GALNT17: variants seen among roughly 807,000 people sequenced by gnomAD.
The protein encoded by GALNT17 is UDP-GalNAc:polypeptide N-acetylgalactosaminyltransferase-like 3.
In GALNT17, 29 loss-of-function variants were observed where a neutral mutation model predicts 63.7. That is an observed-to-expected ratio of 0.46 (90% CI 0.34 to 0.62). The LOEUF is 0.62. GALNT17 is among the 20% of genes least tolerant of loss of function. The pLI is 0.01. For missense variants in GALNT17, 603 were observed against 799.6 expected (o/e 0.75, Z 2.97); for synonymous variants, 305 against 318.3 (o/e 0.96, Z 0.45).
intron 5 of GALNT17, among the ~76,000 whole-genome samples, chr7:71,530,751 G>A (rs997536257): frequency 2.6e-5 from 4 of 151,856 alleles, no homozygotes; most frequent in Non-Finnish European, 5.9e-5. Context: ...CTATTTTTTA[G>A]TAGAGACGGG....
intron 5 of GALNT17, among the ~76,000 whole-genome samples, chr7:71,510,096 C>T (rs1342649588): frequency 1.3e-5 from 2 of 152,046 alleles, no homozygotes; most frequent in African/African-American, 4.8e-5. Context: ...AGGTGTGCAC[C>T]ACTGCGCCTG....
At chr7:71,630,028 T>G (rs528730436) in intron 6 of GALNT17, among the ~76,000 whole-genome samples, 14 of 152,068 alleles carry the variant, frequency 9.2e-5, no homozygotes, top group African/African-American at 3.1e-4. Flanking sequence ...TTGTGCTGAC[T>G]CCAGTACTAT....
intron 1 of GALNT17, among the ~76,000 whole-genome samples, chr7:71,250,496 G>A (rs1562947774): frequency 6.6e-6 from 1 of 152,048 alleles, no homozygotes; most frequent in Non-Finnish European, 1.5e-5. Flanking sequence ...GCCCTTTGCT[G>A]TAGTAACTTG....
intron 1 of GALNT17, among the ~76,000 whole-genome samples, chr7:71,143,424 AAGAAAG>A (rs1367619385): frequency 1.5e-4 from 23 of 150,366 alleles, no homozygotes; most frequent in African/African-American, 4.9e-4. Context: ...AAAAAAAAAA[AAGAAAG>A]AAAAGAAATG....
chr7:71,514,808 T>C (rs1788419535), intron 5 of GALNT17, among the ~76,000 whole-genome samples: 1 of 152,204 alleles, frequency 6.6e-6, no homozygotes, highest in Non-Finnish European at 1.5e-5. Flanking sequence ...CACCAGAGCC[T>C]GACCACCTGA....
intron 9 of GALNT17, among the ~76,000 whole-genome samples, chr7:71,691,135 T>A (rs1489574123): frequency 6.6e-6 from 1 of 152,132 alleles, no homozygotes; most frequent in East Asian, 1.9e-4. Flanking sequence ...CAAACTTTGT[T>A]ATTCTCTTAT....
intron 1 of GALNT17, among the ~76,000 whole-genome samples, chr7:71,291,454 G>C (rs1790978285): frequency 6.6e-6 from 1 of 151,972 alleles, no homozygotes; most frequent in African/African-American, 2.4e-5. Context: ...GCTAAATCTT[G>C]GTCTGTGAAA....
intron 5 of GALNT17, among the ~76,000 whole-genome samples, chr7:71,559,590 A>G (rs1789218758): frequency 6.6e-6 from 1 of 152,202 alleles, no homozygotes; most frequent in Non-Finnish European, 1.5e-5. Flanking sequence ...AACCAGGCGC[A>G]GTGGCTCACA....
chr7:71,420,718 C>G (rs1786646648), intron 4 of GALNT17, among the ~76,000 whole-genome samples, 190 bp from the exon 5 acceptor site: 1 of 152,194 alleles, frequency 6.6e-6, no homozygotes, highest in Non-Finnish European at 1.5e-5. Context: ...ATTTCACACG[C>G]TTCACAGCCC....
intron 2 of GALNT17, among the ~76,000 whole-genome samples, chr7:71,379,544 C>T (rs1017246920): frequency 6.6e-5 from 10 of 151,862 alleles, no homozygotes; most frequent in African/African-American, 2.4e-4. Context: ...GGAACTAAGG[C>T]GGTAGCAATG....
chr7:71,677,106 T>C lies in GALNT17; in HGVS notation c.1405-105T>C. On this transcript the variant is annotated intron_variant, in intron 8 of 10. Coordinates refer to ENST00000333538, the MANE Select transcript of GALNT17 (RefSeq NM_022479.3). ...GGTCCTCACTTAGAGGCTCGTGTTG[T>C]CTTCCCATCATGAAGTTGGAACCAA... 3.6e-6 allele frequency: 4 copies of C among 1,117,430 alleles called. No homozygotes were observed. In the South Asian group the frequency reaches 3.7e-5, roughly 10 times the overall value. The allele number at this position is 1,117,430 out of a possible 1,614,324, so 69.2% of individuals were successfully genotyped here. A position where few individuals can be genotyped will look rare whatever the true frequency, so the allele number is the denominator to read the frequency against.
Position 71,552,239 on chromosome 7 carries a change from TTG to T in GALNT17, c.963-19045_963-19044del, listed in dbSNP as rs1335543840. Among the ~76,000 whole-genome samples, 6 of 152,038 alleles carry T rather than the reference TTG, an allele frequency of 3.9e-5. No individual in the cohort carries two copies. In the East Asian group the frequency reaches 1.2e-3, roughly 30 times the overall value. The stretch of plus-strand genomic sequence containing the variant: ...TTTGTATTTTTAGTAGAGACGGGGT[TTG>T]GCCATGTTGGCCAGGCTGGTCTTGA... On this transcript the variant is annotated intron_variant, in intron 5 of 10. Coordinates refer to ENST00000333538, the MANE Select transcript of GALNT17 (RefSeq NM_022479.3).
chr7:71,644,170 A>G (rs1790641697), intron 6 of GALNT17, among the ~76,000 whole-genome samples: 3 of 152,040 alleles, frequency 2.0e-5, no homozygotes, highest in Admixed American at 1.3e-4. Context: ...TGAGAAGCCA[A>G]TTCATGAGGA....
At chr7:71,400,197 G>T (rs535117370) in intron 3 of GALNT17, among the ~76,000 whole-genome samples, 1 of 151,746 alleles carries the variant, frequency 6.6e-6, no homozygotes, top group African/African-American at 2.4e-5. Flanking sequence ...TCCCCTCTCT[G>T]TGTCCGTGTG....
intron 5 of GALNT17, among the ~76,000 whole-genome samples, chr7:71,433,026 G>A (rs768640065): frequency 5.3e-5 from 8 of 152,168 alleles, no homozygotes; most frequent in Non-Finnish European, 8.8e-5. Flanking sequence ...GGCCAGGCTG[G>A]TCTCCACACC....
intron 9 of GALNT17, among the ~76,000 whole-genome samples, chr7:71,679,581 A>C (rs1791205361): frequency 6.6e-6 from 1 of 152,100 alleles, no homozygotes; most frequent in African/African-American, 2.4e-5. Flanking sequence ...TCTACAGTAG[A>C]ATAAGCGTAA....
At chr7:71,686,013 G>A (rs1791351989) in intron 9 of GALNT17, among the ~76,000 whole-genome samples, 1 of 138,546 alleles carries the variant, frequency 7.2e-6, no homozygotes, top group Non-Finnish European at 1.5e-5. Context: ...GGAGTGCAGT[G>A]GTGCGATCTT....
chr7:71,470,830 A>G (rs1045002609), intron 5 of GALNT17, among the ~76,000 whole-genome samples: 4 of 152,086 alleles, frequency 2.6e-5, no homozygotes, highest in East Asian at 1.9e-4. Flanking sequence ...GCTTTTCCCT[A>G]TGTCCTTTTT....
chr7:71,144,952 TCTC>T (rs1787988934), intron 1 of GALNT17, among the ~76,000 whole-genome samples: 1 of 152,046 alleles, frequency 6.6e-6, no homozygotes, highest in Non-Finnish European at 1.5e-5. Flanking sequence ...ATGGTCTTGA[TCTC>T]CTGACTTCGT....
Sources: gnomAD v4.1 joint callset for allele counts (sites outside exome capture counted in the v4.1 genomes callset) on GRCh38, gnomAD v4.1.1 for gene constraint, MANE v1.5 for transcripts, NCBI Gene and HGNC (gene_info 2026-07-23, HGNC 2026-07-21) for gene names.